The following NSMCE2 variants were observed in gnomAD, a reference collection of about 807,000 sequenced individuals.
NSMCE2 encodes the protein E3 SUMO-protein ligase NSE2.
A neutral mutation model predicts 23.8 loss-of-function variants in NSMCE2; 24 were observed. The ratio of observed to expected loss-of-function variants is 1.01; its 90% confidence interval spans 0.73 to 1.42. The LOEUF (loss-of-function observed/expected upper bound fraction) is 1.42. Ranked by LOEUF, NSMCE2 falls within the 40% of genes most tolerant of loss-of-function variation. The pLI, the probability that NSMCE2 is intolerant of heterozygous loss-of-function variation, is 0.00. For missense variants in NSMCE2, 284 were observed against 296.5 expected (o/e 0.96, Z 0.31); for synonymous variants, 92 against 94.1 (o/e 0.98, Z 0.13).
chr8:125,296,069 A>C (rs1184272982), intron 5 of NSMCE2, among the ~76,000 whole-genome samples: 2 of 152,166 alleles, frequency 1.3e-5, no homozygotes, highest in Non-Finnish European at 2.9e-5. Context: ...ATTAAAAAAA[A>C]TAGCTAGCAC....
At chr8:125,229,723 G>A (rs1251005065) in intron 5 of NSMCE2, among the ~76,000 whole-genome samples, 2 of 152,130 alleles carry the variant, frequency 1.3e-5, no homozygotes, top group Non-Finnish European at 2.9e-5. Flanking sequence ...GGATTAAAAA[G>A]CCAGGAGTCT....
intron 5 of NSMCE2, among the ~76,000 whole-genome samples, chr8:125,334,252 TG>T (rs1829991475): frequency 6.6e-6 from 1 of 152,160 alleles, no homozygotes; most frequent in Non-Finnish European, 1.5e-5. Flanking sequence ...TGTGCCTCAC[TG>T]GAGGTGCTTT....
intron 5 of NSMCE2, among the ~76,000 whole-genome samples, chr8:125,313,180 G>A (rs563059934): frequency 6.9e-6 from 1 of 144,950 alleles, no homozygotes; most frequent in South Asian, 2.2e-4. Flanking sequence ...AGGAAAGAAG[G>A]AAGGAGAAAG....
Position 125,286,057 on chromosome 8 carries a change from C to A in NSMCE2, c.419-71162C>A, listed in dbSNP as rs1376578924. On this transcript the variant is annotated intron_variant, in intron 5 of 7. Transcript: ENST00000287437. Reference sequence around the variant, plus strand: ...CACTAGCAGCACTTGTTTCCCTACCCTCCAGTGCCTGGGAGAGTTAATTTG... The same window carrying A: ...CACTAGCAGCACTTGTTTCCCTACCATCCAGTGCCTGGGAGAGTTAATTTG... 2.6e-5 allele frequency among the ~76,000 whole-genome samples: 4 copies of A among 151,974 alleles called. 1 individual carries two copies. Among genetic ancestry groups the A allele is most frequent in the African/African-American group, 9.7e-5 (4 of 41,348 alleles).
intron 4 of NSMCE2, among the ~76,000 whole-genome samples, chr8:125,167,420 A>G (rs1821947230): frequency 6.6e-6 from 1 of 152,144 alleles, no homozygotes; most frequent in South Asian, 2.1e-4. Flanking sequence ...TAATCCCAGG[A>G]CTTTGGGAGG....
chr8:125,257,522 C>CTTT (rs1174718163), intron 5 of NSMCE2, among the ~76,000 whole-genome samples: 11 of 84,618 alleles, frequency 1.3e-4, no homozygotes, highest in East Asian at 3.1e-4. Flanking sequence ...CCAAATTTCT[C>CTTT]TTTTTTTTTT....
rs112702969 is a variant in NSMCE2 at position 125,122,628 on chromosome 8, T to C, written c.157+20141T>C. On this transcript the variant is annotated intron_variant, in intron 3 of 7. Transcript: ENST00000287437. The stretch of plus-strand genomic sequence containing the variant: ...TTCAAGGATAAGCTTAAGTATCATC[T>C]TTTTTCTGCAGACATTCCTCTCCCA... Among the ~76,000 whole-genome samples, 236 of 152,238 alleles carry C rather than the reference T, an allele frequency of 1.6e-3. 1 individual carries two copies. The highest frequency in any genetic ancestry group is 5.4e-3 in the African/African-American group (223 of 41,550).
At chr8:125,163,556 A>G (rs1034761835) in intron 4 of NSMCE2, among the ~76,000 whole-genome samples, 3 of 152,138 alleles carry the variant, frequency 2.0e-5, no homozygotes, top group Admixed American at 1.3e-4. Flanking sequence ...TGGCCTACAT[A>G]CCTCATTGGG....
At chr8:125,216,599 A>C (rs1428210856) in intron 5 of NSMCE2, among the ~76,000 whole-genome samples, 1 of 150,764 alleles carries the variant, frequency 6.6e-6, no homozygotes, top group Non-Finnish European at 1.5e-5. Context: ...GCACCATTGC[A>C]CTCCAGCCTG....
At chr8:125,305,660 G>T (rs1828726238) in intron 5 of NSMCE2, among the ~76,000 whole-genome samples, 1 of 152,184 alleles carries the variant, frequency 6.6e-6, no homozygotes, top group Non-Finnish European at 1.5e-5. Context: ...AGTAAATGAA[G>T]GCTAGAAGGG....
At chr8:125,104,165 A>T (rs1011546227) in intron 3 of NSMCE2, among the ~76,000 whole-genome samples, 1 of 151,734 alleles carries the variant, frequency 6.6e-6, no homozygotes, top group Non-Finnish European at 1.5e-5. Flanking sequence ...TAATTTTGTA[A>T]TTTTAGTAGA....
At chr8:125,115,396 C>G (rs1818955976) in intron 3 of NSMCE2, among the ~76,000 whole-genome samples, 1 of 152,192 alleles carries the variant, frequency 6.6e-6, no homozygotes, top group East Asian at 1.9e-4. Context: ...TCCTTTTTCT[C>G]CACCAGTGAG....
At chr8:125,286,318 T>A (rs1262276867) in intron 5 of NSMCE2, among the ~76,000 whole-genome samples, 11 of 148,864 alleles carry the variant, frequency 7.4e-5, no homozygotes, top group African/African-American at 2.7e-4. Context: ...TTTATTTATT[T>A]TTTTTTTTTT....
rs529352950 is a variant in NSMCE2 at position 125,210,108 on chromosome 8, C to G, written c.418+27852C>G. 1.3e-3 allele frequency among the ~76,000 whole-genome samples: 195 copies of G among 152,278 alleles called. 1 individual carries two copies. Among genetic ancestry groups the G allele is most frequent in the Non-Finnish European group, 2.5e-3 (170 of 68,010 alleles). The stretch of plus-strand genomic sequence containing the variant: ...TTCAGCCCCTTACTAGCTCTGTAAC[C>G]CGGGATAAGTTTCTAAACCTCTCTA... On this transcript the variant is annotated intron_variant, in intron 5 of 7. Transcript: ENST00000287437.
chr8:125,302,506 C>T (rs1283871117), intron 5 of NSMCE2, among the ~76,000 whole-genome samples: 2 of 152,056 alleles, frequency 1.3e-5, no homozygotes, highest in Non-Finnish European at 2.9e-5. Flanking sequence ...AGGACTTTGG[C>T]TTTTACTTAG....
intron 4 of NSMCE2, among the ~76,000 whole-genome samples, chr8:125,169,236 C>T (rs538460858): frequency 1.3e-5 from 2 of 152,176 alleles, no homozygotes; most frequent in African/African-American, 2.4e-5. Context: ...ACCCGTTCTT[C>T]GATTTTCTTT....
intron 5 of NSMCE2, among the ~76,000 whole-genome samples, chr8:125,237,600 A>G (rs1825614089): frequency 6.6e-6 from 1 of 152,234 alleles, no homozygotes; most frequent in South Asian, 2.1e-4. Context: ...TCAGGCTGAT[A>G]GAGTAATTCA....
intron 5 of NSMCE2, among the ~76,000 whole-genome samples, chr8:125,315,658 AAG>A (rs1276710880): frequency 6.6e-5 from 10 of 152,214 alleles, no homozygotes; most frequent in South Asian, 2.1e-4. Context: ...AAGGAAATGT[AAG>A]AGTTTGCCAT....
chr8:125,327,328 T>G (rs1393823130), intron 5 of NSMCE2, among the ~76,000 whole-genome samples: 1 of 151,738 alleles, frequency 6.6e-6, no homozygotes, highest in African/African-American at 2.4e-5. Flanking sequence ...GAAATATAAT[T>G]ACTGAATGAA....
Sources: gnomAD v4.1 joint callset for allele counts (sites outside exome capture counted in the v4.1 genomes callset) on GRCh38, gnomAD v4.1.1 for gene constraint, MANE v1.5 for transcripts, NCBI Gene and HGNC (gene_info 2026-07-23, HGNC 2026-07-21) for gene names.